The following MYH7B variants were observed in gnomAD, a reference collection of about 807,000 sequenced individuals.
The protein encoded by MYH7B is myosin-7B.
MYH7B carries 205 observed loss-of-function variants against 234.5 expected under a neutral mutation model. That is an observed-to-expected ratio of 0.87 (90% CI 0.78 to 0.98). MYH7B has a LOEUF of 0.98. Among genes scored for constraint, MYH7B ranks in the 50% least tolerant of loss-of-function variants. The pLI, the probability that MYH7B is intolerant of heterozygous loss-of-function variation, is 0.00. For missense variants in MYH7B, 2,652 were observed against 2,633.4 expected (o/e 1.01, Z -0.15); for synonymous variants, 1,193 against 1,105.0 (o/e 1.08, Z -1.58).
chr20:34,993,643 C>T (rs919197741), intron 26 of MYH7B, among the ~76,000 whole-genome samples, 173 bp downstream of exon 26: 2 of 152,226 alleles, frequency 1.3e-5, no homozygotes, highest in Non-Finnish European at 2.9e-5. Flanking sequence ...CCTCAAAAAA[C>T]GGGGTACGGC....
chr20:34,964,777 A>AAAAC (rs1284287809), intron 2 of MYH7B, among the ~76,000 whole-genome samples: 1 of 152,190 alleles, frequency 6.6e-6, no homozygotes, highest in Non-Finnish European at 1.5e-5. Context: ...GTAAAATTAA[A>AAAAC]AAACAAGGGA....
rs765746960 is a variant in MYH7B at position 34,977,916 on chromosome 20, G to A, written c.-72-18G>A. 1 of 1,612,912 alleles carries A rather than the reference G, an allele frequency of 6.2e-7. No individual in the cohort carries two copies. The highest frequency in any genetic ancestry group is 8.5e-7 in the Non-Finnish European group (1 of 1,179,994). On this transcript the variant is annotated intron_variant, in intron 4 of 44. Transcript: ENST00000262873. Reference sequence around the variant, plus strand: ...GATCGTGCCCTAGTTCAGCTCCCTTGTCACTGCCATCTTCCAGTGCCTGCT... The same window carrying A: ...GATCGTGCCCTAGTTCAGCTCCCTTATCACTGCCATCTTCCAGTGCCTGCT...
intron 32 of MYH7B, 24 bp downstream of exon 32, chr20:34,997,664 T>C (rs2082289365): frequency 6.2e-7 from 1 of 1,611,350 alleles, no homozygotes; most frequent in African/African-American, 1.3e-5. Context: ...CCTCACCCCA[T>C]ACCCACCCTG....
intron 13 of MYH7B, 37 bp from the exon 14 acceptor site, chr20:34,986,063 G>A (rs1471713194): frequency 6.6e-7 from 1 of 1,518,742 alleles, no homozygotes; most frequent in South Asian, 1.2e-5. Context: ...CTCTGGGGAG[G>A]TGTGGGAGAT....
At chr20:35,000,177 C>T (rs1195114239) in intron 38 of MYH7B, 116 bp from the exon 39 acceptor site, 40 of 1,275,658 alleles carry the variant, frequency 3.1e-5, no homozygotes, top group East Asian at 2.1e-4. Context: ...GACTTTAAAT[C>T]GGGGAGGGGT....
intron 32 of MYH7B, 27 bp from the exon 33 acceptor site, chr20:34,998,268 C>T (rs552576073): frequency 1.9e-6 from 3 of 1,612,498 alleles, no homozygotes; most frequent in African/African-American, 1.3e-5. Context: ...TAACTCCTGA[C>T]CCCTGACTCC....
Position 35,000,760 on chromosome 20 carries a change from C to A in MYH7B, c.5179-8C>A, listed in dbSNP as rs528293644. The A allele has an allele frequency of 5.0e-6, 8 of 1,611,158 alleles. No homozygotes were observed. The highest frequency in any genetic ancestry group is 2.2e-5 in the East Asian group (1 of 44,770). ...GCTGGCTGGCTCTGAGACTCCTCTT[C>A]CCCTCAGAACACAGGCCTCCTAAAC... is the stretch of plus-strand genomic sequence containing the variant. On this transcript the variant is annotated splice_region_variant and splice_polypyrimidine_tract_variant and intron_variant, in intron 39 of 44. Transcript: ENST00000262873.
In MYH7B at chr20:34,994,137, C is replaced by T. The variant is rs2082207329; in HGVS notation, c.2445-9C>T. 2 of 1,607,424 alleles carry T rather than the reference C, an allele frequency of 1.2e-6. No individual in the cohort carries two copies. The highest frequency in any genetic ancestry group is 1.7e-6 in the Non-Finnish European group (2 of 1,175,160). Reference sequence around the variant, plus strand: ...GAGCCACCTTCACAGCTTGGCTGCCCCTCCCTAGGGATGCGCTGTTCACCA... The same window carrying T: ...GAGCCACCTTCACAGCTTGGCTGCCTCTCCCTAGGGATGCGCTGTTCACCA... On this transcript the variant is annotated splice_polypyrimidine_tract_variant and intron_variant, in intron 26 of 44. Coordinates refer to ENST00000262873, the Ensembl canonical transcript of MYH7B.
chr20:34,956,793 A>C (rs2081640649), intron 1 of MYH7B, among the ~76,000 whole-genome samples: 1 of 152,076 alleles, frequency 6.6e-6, no homozygotes, highest in Non-Finnish European at 1.5e-5. Context: ...AGTGGCTCAG[A>C]CCTGTAATCC....
chr20:34,968,095 A>G (rs2081759759), intron 2 of MYH7B, among the ~76,000 whole-genome samples: 1 of 152,210 alleles, frequency 6.6e-6, no homozygotes, highest in Non-Finnish European at 1.5e-5. Flanking sequence ...TCTCAACCAC[A>G]TTACAAGGTA....
intron 2 of MYH7B, among the ~76,000 whole-genome samples, chr20:34,975,123 AAAG>A (rs1226450264): frequency 2.6e-5 from 4 of 152,230 alleles, no homozygotes; most frequent in Non-Finnish European, 5.9e-5. Context: ...TAAAAATAAA[AAAG>A]AAGTCAGTAT....
exon 25 of MYH7B, chr20:34,993,110 T>G (rs759178480): frequency 1.2e-6 from 2 of 1,613,180 alleles, no homozygotes; most frequent in Admixed American, 1.7e-5. Flanking sequence ...AGGTACCGTA[T>G]CCTGAACCCC....
chr20:34,982,831 C>T (rs988718560), intron 10 of MYH7B, among the ~76,000 whole-genome samples: 3 of 152,176 alleles, frequency 2.0e-5, no homozygotes, highest in African/African-American at 4.8e-5. Context: ...TTTTTATCTT[C>T]CATTGTGACC....
chr20:34,989,935 A>G lies in MYH7B; in HGVS notation c.1767+16A>G, dbSNP rs1302976695. On this transcript the variant is annotated intron_variant, in intron 20 of 44. Coordinates refer to ENST00000262873, the Ensembl canonical transcript of MYH7B. ...CGCAGGCGTGGTAGGTGCTTGCTGG[A>G]ACCCCAGCCCTCGGCCAGGCTCCTC... The G allele has an allele frequency of 6.2e-7, 1 of 1,613,198 alleles. No individual in the cohort carries two copies. Among genetic ancestry groups the G allele is most frequent in the Admixed American group, 1.7e-5 (1 of 59,988 alleles).
chr20:34,967,997 TAGTACCCCAACACCCAC>T (rs2081758811), intron 2 of MYH7B, among the ~76,000 whole-genome samples: 2 of 152,344 alleles, frequency 1.3e-5, no homozygotes, highest in South Asian at 4.1e-4. Flanking sequence ...CTTCCCGCCA[TAGTACCCCAACACCCAC>T]AGAGCCACAG....
intron 10 of MYH7B, among the ~76,000 whole-genome samples, chr20:34,983,885 C>T (rs1410813426): frequency 1.3e-5 from 2 of 152,048 alleles, no homozygotes; most frequent in Non-Finnish European, 2.9e-5. Context: ...CCTTCTCTCC[C>T]TTTCTTCCTT....
intron 28 of MYH7B, 94 bp downstream of exon 28, chr20:34,995,672 T>A (rs1409544271): frequency 1.3e-6 from 2 of 1,534,882 alleles, no homozygotes; most frequent in Admixed American, 1.9e-5. Flanking sequence ...CTGCTAAGCC[T>A]CTGCTTTCTG....
chr20:34,993,879 C>T (rs552400281), intron 26 of MYH7B, among the ~76,000 whole-genome samples: 5 of 152,340 alleles, frequency 3.3e-5, no homozygotes, highest in South Asian at 2.1e-4. Flanking sequence ...CAGCCCAGGC[C>T]GCTGACTCCA....
rs1201229281 is a variant in MYH7B, at chr20:34,987,928, C to T, written c.1416+14C>T. 1.3e-6 allele frequency: 2 copies of T among 1,578,602 alleles called. No individual in the cohort carries two copies. On this transcript the variant is annotated intron_variant, in intron 18 of 44. Transcript: ENST00000262873. ...GAGATCTTTGAGGTGAGGACAGGCC[C>T]TCACCTTGGCCTCTGTTCTCTCCAA...
Sources: gnomAD v4.1 joint callset for allele counts (sites outside exome capture counted in the v4.1 genomes callset) on GRCh38, gnomAD v4.1.1 for gene constraint, MANE v1.5 for transcripts, NCBI Gene and HGNC (gene_info 2026-07-23, HGNC 2026-07-21) for gene names.